Variants in DEPDC5 observed in about 807,000 individuals in gnomAD.
DEPDC5 encodes DEP domain containing 5, GATOR1 subcomplex subunit, also known as GATOR1 complex protein DEPDC5.
In DEPDC5, 73 loss-of-function variants were observed where a neutral mutation model predicts 217.3. The observed-to-expected ratio is 0.34, with a 90% CI of 0.28 to 0.41. DEPDC5 has a LOEUF of 0.41. Among genes scored for constraint, DEPDC5 ranks in the 10% least tolerant of loss-of-function variants. The pLI, the probability that DEPDC5 is intolerant of heterozygous loss-of-function variation, is 1.00. For synonymous variants in DEPDC5, 733 were observed against 756.7 expected, an observed-to-expected ratio of 0.97 and a Z score of 0.51; for missense variants, 1,675 against 2,070.1, an observed-to-expected ratio of 0.81 and a Z score of 3.70.
intron 33 of DEPDC5, among the ~76,000 whole-genome samples, chr22:31,868,829 C>G (rs2092759530): frequency 6.6e-6 from 1 of 152,180 alleles, no homozygotes; most frequent in African/African-American, 2.4e-5. Context: ...TTCTAAGAGC[C>G]TTACACTTTT....
At chr22:31,848,493 C>T (rs1374829823) in intron 31 of DEPDC5, among the ~76,000 whole-genome samples, 1 of 152,208 alleles carries the variant, frequency 6.6e-6, no homozygotes, top group East Asian at 1.9e-4. Context: ...GGGCTTACAC[C>T]TTCTGAAGCC....
chr22:31,837,193 G>A (rs1394893050), intron 26 of DEPDC5, 38 bp downstream of exon 26: 1 of 1,608,650 alleles, frequency 6.2e-7, no homozygotes, highest in Non-Finnish European at 8.5e-7. Context: ...CTTGGTTGGT[G>A]AGGGTTTCGG....
At chr22:31,771,018 G>A (rs183756284) in intron 7 of DEPDC5, among the ~76,000 whole-genome samples, 217 of 152,094 alleles carry the variant, frequency 1.4e-3, no homozygotes, top group Non-Finnish European at 1.5e-3. Flanking sequence ...CCTGATCTCA[G>A]GTGATCCCGC....
rs1199898091 is a variant in DEPDC5, at chr22:31,770,814, CAA to C, written c.413+1953_413+1954del. The stretch of plus-strand genomic sequence containing the variant: ...TTCTTTTTTTTTTTTTTTTTTGAGA[CAA>C]AGTCTCACTCTGTCGCCCAGGCTGG... On this transcript the variant is annotated intron_variant, in intron 7 of 42. Coordinates refer to ENST00000651528, the MANE Select transcript of DEPDC5 (RefSeq NM_001242896.3). Among the ~76,000 whole-genome samples the C allele has an allele frequency of 1.9e-4, 25 of 129,322 alleles. No homozygotes were observed. The Admixed American group carries it at 2.0e-3, about 10-fold the overall frequency. The allele number at this position is 129,322 out of a possible 152,430, so 84.8% of individuals were successfully genotyped here.
chr22:31,888,841 C>G (rs73884227), intron 38 of DEPDC5, among the ~76,000 whole-genome samples: 120 of 152,334 alleles, frequency 7.9e-4, no homozygotes, highest in African/African-American at 2.7e-3. Context: ...CCACTGCGCT[C>G]GGCCCCAGCC....
intron 24 of DEPDC5, among the ~76,000 whole-genome samples, chr22:31,830,410 C>T (rs1441301457): frequency 6.6e-6 from 1 of 152,232 alleles, no homozygotes; most frequent in Non-Finnish European, 1.5e-5. Flanking sequence ...GGTTTCACCT[C>T]CATCATTGCA....
At chr22:31,873,103 T>G in intron 34 of DEPDC5, 152 bp from the exon 35 acceptor site, 8 of 1,453,808 alleles carry the variant, frequency 5.5e-6, no homozygotes, top group African/African-American at 1.4e-5. Flanking sequence ...GATAACCCCC[T>G]GATATAGCTG....
intron 31 of DEPDC5, among the ~76,000 whole-genome samples, chr22:31,852,335 T>C (rs1226096642): frequency 2.0e-5 from 3 of 149,388 alleles, no homozygotes; most frequent in African/African-American, 7.5e-5. Context: ...ATTTATTTAT[T>C]ACTATTTTTT....
chr22:31,864,717 C>G (rs989042329), intron 33 of DEPDC5, among the ~76,000 whole-genome samples: 1 of 151,402 alleles, frequency 6.6e-6, no homozygotes, highest in Non-Finnish European at 1.5e-5. Flanking sequence ...GAGATGGAGT[C>G]TTGCTCTGTT....
chr22:31,856,720 G>C (rs574270380), intron 31 of DEPDC5, among the ~76,000 whole-genome samples: 45 of 152,284 alleles, frequency 3.0e-4, no homozygotes, highest in African/African-American at 1.1e-3. Context: ...CCTTCAAAAT[G>C]TATAGAGAAT....
Position 31,792,099 on chromosome 22 carries a change from G to A in DEPDC5, c.691G>A (p.Val231Ile), listed in dbSNP as rs1312233859. Reference protein sequence around the residue: ...FSRTFYDAKSVDEFPEINRAS... With the variant: ...FSRTFYDAKSIDEFPEINRAS... ...TAGAACTTTCTATGATGCAAAATCT[G>A]TTGGTGAGTAACTATTTCTCTCCTA... Residue 231 changes from valine (V) to isoleucine (I), a missense_variant, in exon 11 of 43, where the codon GTT (valine) becomes ATT (isoleucine). Val to Ile is a conservative substitution (Grantham distance 29). Around this residue, in one of 11 missense-constraint regions of DEPDC5, gnomAD observed 628 missense variants for 762.1 expected, o/e 0.82. Transcript: ENST00000651528. 9 of 1,606,386 alleles carry A rather than the reference G, an allele frequency of 5.6e-6. No homozygotes were observed. The highest frequency in any genetic ancestry group is 1.6e-4 in the Middle Eastern group (1 of 6,076).
At chr22:31,775,934 G>T (rs1170728493) in intron 7 of DEPDC5, among the ~76,000 whole-genome samples, 1 of 151,114 alleles carries the variant, frequency 6.6e-6, no homozygotes, top group African/African-American at 2.4e-5. Flanking sequence ...CCAGCTACTC[G>T]GGAGGCTGAG....
intron 10 of DEPDC5, among the ~76,000 whole-genome samples, chr22:31,790,735 CTTTTTTTTTTTCTT>C (rs1356709683): frequency 0.02 from 2,945 of 143,902 alleles, 74 homozygotes; most frequent in African/African-American, 0.064. Flanking sequence ...CCCTATCTCT[CTTTTTTTTTTTCTT>C]TTTTTTTTTT....
chr22:31,806,989 G>C (rs1469259689), intron 18 of DEPDC5, among the ~76,000 whole-genome samples: 1 of 152,186 alleles, frequency 6.6e-6, no homozygotes, highest in African/African-American at 2.4e-5. Flanking sequence ...GCTAACCTGG[G>C]TGGCTAAGTG....
chr22:31,894,581 T>C (rs901870300), intron 39 of DEPDC5: 4 of 152,142 alleles, frequency 2.6e-5, no homozygotes, highest in African/African-American at 9.7e-5. Context: ...AAAGGGTGGC[T>C]GGGCACGGAG....
intron 14 of DEPDC5, among the ~76,000 whole-genome samples, chr22:31,799,160 C>G (rs2086586598): frequency 1.3e-5 from 2 of 151,624 alleles, no homozygotes; most frequent in Admixed American, 6.6e-5. Flanking sequence ...TCTCCTGCCT[C>G]AGCCTCCTGA....
At position 31,845,347 on chromosome 22, in the gene DEPDC5, C is replaced by G. The variant is rs1365873409; in HGVS notation, c.3021+110C>G. ...GCCTACTTATTTACTCCTCAGCTGC[C>G]CAGTGTTTACCTTAAATCCAAAACA... On this transcript the variant is annotated intron_variant, in intron 30 of 42. Transcript: ENST00000651528. 3.7e-6 allele frequency: 5 copies of G among 1,343,878 alleles called. No individual in the cohort carries two copies. The East Asian group carries it at 1.2e-4, about 34-fold the overall frequency. 83.2% of individuals were successfully genotyped at this position (1,343,878 alleles called of 1,614,324 possible).
intron 17 of DEPDC5, 107 bp downstream of exon 17, chr22:31,805,022 A>T (rs1481075336): frequency 2.7e-6 from 3 of 1,125,812 alleles, no homozygotes; most frequent in African/African-American, 3.1e-5. Flanking sequence ...ACCTTTTGTT[A>T]AGAAAATGTG....
chr22:31,769,360 C>T (rs2083125522), intron 7 of DEPDC5: 1 of 151,594 alleles, frequency 6.6e-6, no homozygotes, highest in Admixed American at 6.6e-5. Flanking sequence ...GATGAAGCCC[C>T]CTGGCATTCT....
Sources: gnomAD v4.1 joint callset for allele counts (sites outside exome capture counted in the v4.1 genomes callset) on GRCh38, gnomAD v4.1.1 for gene constraint, gnomAD v4.1.1 regional missense constraint, MANE v1.5 for transcripts, NCBI Gene and HGNC (gene_info 2026-07-23, HGNC 2026-07-21) for gene names.